PBX1: variants seen among roughly 807,000 people sequenced by gnomAD.
PBX1 encodes the protein pre-B-cell leukemia transcription factor 1.
A neutral mutation model predicts 53.4 loss-of-function variants in PBX1; 6 were observed. The observed-to-expected ratio is 0.11, with a 90% CI of 0.06 to 0.22. PBX1 has a LOEUF of 0.22. PBX1 is among the 10% of genes least tolerant of loss of function. The probability of loss-of-function intolerance (pLI) is 1.00; values close to 1 mark genes in which losing one functional copy is unlikely to be tolerated. For synonymous variants in PBX1, 204 were observed against 212.3 expected (o/e 0.96, Z 0.34); for missense variants, 251 against 551.4 (o/e 0.46, Z 5.46).
chr1:164,719,145 G>A (rs1664270036), intron 2 of PBX1, among the ~76,000 whole-genome samples: 1 of 152,316 alleles, frequency 6.6e-6, no homozygotes, highest in South Asian at 2.1e-4. Flanking sequence ...ACACAGAAAT[G>A]CCAGTCTGTG....
chr1:164,727,670 G>C (rs1664769305), intron 2 of PBX1, among the ~76,000 whole-genome samples: 1 of 152,218 alleles, frequency 6.6e-6, no homozygotes, highest in Non-Finnish European at 1.5e-5. Flanking sequence ...TTTGTCATGG[G>C]AAGTGGCGGC....
In PBX1 at chr1:164,567,783, G is replaced by A. The variant is rs1345146888; in HGVS notation, c.265+4472G>A. ...GCAATTTGGTCAAAGCTGCCAGAATGAGAATTTGGGAAATTTTGGTGTCAT... is the reference window on the plus strand; with the variant it reads ...GCAATTTGGTCAAAGCTGCCAGAATAAGAATTTGGGAAATTTTGGTGTCAT... On this transcript the variant is annotated intron_variant, in intron 2 of 8. Coordinates refer to ENST00000420696, the MANE Select transcript of PBX1 (RefSeq NM_002585.4). 2.6e-5 allele frequency among the ~76,000 whole-genome samples: 4 copies of A among 152,202 alleles called. No individual in the cohort carries two copies. The East Asian group carries it at 5.8e-4, about 22-fold the overall frequency.
At chr1:164,853,840 C>T (rs778092991), downstream of PBX1, among the ~76,000 whole-genome samples, 51 of 152,150 alleles carry the variant, frequency 3.4e-4, no homozygotes, top group Admixed American at 2.2e-3. Flanking sequence ...AAATCTCATA[C>T]GCTCACCCCT....
intron 4 of PBX1, among the ~76,000 whole-genome samples, chr1:164,802,338 G>C (rs1288006335): frequency 6.6e-6 from 1 of 152,168 alleles, no homozygotes; most frequent in Non-Finnish European, 1.5e-5. Context: ...ATAAGCTGAG[G>C]CTGTGATCTC....
chr1:164,611,421 G>A (rs1212304521), intron 2 of PBX1, among the ~76,000 whole-genome samples: 3 of 152,138 alleles, frequency 2.0e-5, no homozygotes, highest in Admixed American at 6.5e-5. Flanking sequence ...TGTATTTTTA[G>A]TAGAGACGGG....
At chr1:164,567,383 G>T (rs1557864345) in intron 2 of PBX1, among the ~76,000 whole-genome samples, 1 of 151,968 alleles carries the variant, frequency 6.6e-6, no homozygotes, top group Non-Finnish European at 1.5e-5. Context: ...GTCATCGATA[G>T]CCAGCAAATG....
intron 2 of PBX1, among the ~76,000 whole-genome samples, chr1:164,622,797 A>G (rs935676571): frequency 1.3e-5 from 2 of 150,116 alleles, no homozygotes; most frequent in African/African-American, 4.9e-5. Flanking sequence ...CATGCTTGCT[A>G]TACATACATA....
chr1:164,683,859 C>G lies in PBX1; in HGVS notation c.266-108635C>G, dbSNP rs990946667. 6 of 151,710 alleles carry G rather than the reference C, an allele frequency of 4.0e-5. No homozygotes were observed. The East Asian group carries it at 9.7e-4, about 25-fold the overall frequency. 9.4% of individuals were successfully genotyped at this position (151,710 alleles called of 1,614,324 possible). A position where few individuals can be genotyped will look rare whatever the true frequency, so the allele number is the denominator to read the frequency against. ...TTGAGACAGGATTTCACTCTTATCACCCAGGCTGGAGTGGAGTGGCGTGAT... is the reference window on the plus strand; with the variant it reads ...TTGAGACAGGATTTCACTCTTATCAGCCAGGCTGGAGTGGAGTGGCGTGAT... On this transcript the variant is annotated intron_variant, in intron 2 of 8. Transcript: ENST00000420696.
At chr1:164,701,030 G>A (rs115386026) in intron 2 of PBX1, among the ~76,000 whole-genome samples, 1,600 of 152,268 alleles carry the variant, frequency 0.011, 32 homozygotes, top group African/African-American at 0.037. Flanking sequence ...TACGCAAATA[G>A]CCAAGTATTA....
chr1:164,638,115 C>T (rs1298964821), intron 2 of PBX1, among the ~76,000 whole-genome samples: 1 of 152,204 alleles, frequency 6.6e-6, no homozygotes. Context: ...ACTCGTACTG[C>T]TGCTATGGCT....
intron 2 of PBX1, among the ~76,000 whole-genome samples, chr1:164,750,431 T>C (rs944654404): frequency 6.6e-6 from 1 of 152,096 alleles, no homozygotes; most frequent in Admixed American, 6.5e-5. Flanking sequence ...AATAAGAAAC[T>C]AGTTTCTTAG....
chr1:164,808,742 T>G (rs1669469212), intron 5 of PBX1, among the ~76,000 whole-genome samples: 1 of 152,168 alleles, frequency 6.6e-6, no homozygotes, highest in South Asian at 2.1e-4. Flanking sequence ...AATATAGAGC[T>G]CCACAAAAGT....
chr1:164,873,500 T>C (rs1246227039), intron 2 of PBX1, among the ~76,000 whole-genome samples: 1 of 152,262 alleles, frequency 6.6e-6, no homozygotes, highest in African/African-American at 2.4e-5. Context: ...CAGCTTATCT[T>C]ACTACATGCT....
At chr1:164,773,590 T>C (rs1217178534) in intron 2 of PBX1, among the ~76,000 whole-genome samples, 1 of 150,410 alleles carries the variant, frequency 6.6e-6, no homozygotes, top group Non-Finnish European at 1.5e-5. Context: ...TTTGGGGACA[T>C]GTGTCTTAAG....
At chr1:164,873,173 C>G (rs1183838510) in intron 2 of PBX1, among the ~76,000 whole-genome samples, 1 of 152,194 alleles carries the variant, frequency 6.6e-6, no homozygotes, top group Non-Finnish European at 1.5e-5. Flanking sequence ...CATAGCCACC[C>G]TACTATTTTT....
intron 2 of PBX1, among the ~76,000 whole-genome samples, chr1:164,689,893 C>G (rs978788606): frequency 6.6e-6 from 1 of 152,102 alleles, no homozygotes; most frequent in African/African-American, 2.4e-5. Flanking sequence ...CAGTTCCCCT[C>G]TCACTGGTGA....
intron 3 of PBX1, among the ~76,000 whole-genome samples, chr1:164,798,456 C>G (rs1668896999): frequency 6.6e-6 from 1 of 152,122 alleles, no homozygotes; most frequent in Non-Finnish European, 1.5e-5. Flanking sequence ...CTAAGGAAAC[C>G]AGATTATGGA....
At chr1:164,607,265 G>A (rs1003076190) in intron 2 of PBX1, among the ~76,000 whole-genome samples, 1 of 152,056 alleles carries the variant, frequency 6.6e-6, no homozygotes, top group Admixed American at 6.6e-5. Flanking sequence ...TTAAAGTGGG[G>A]GTGAGATTAG....
Position 164,834,489 on chromosome 1 carries a change from A to G in PBX1, c.1201-12095A>G, listed in dbSNP as rs569598343. Among the ~76,000 whole-genome samples the G allele has an allele frequency of 2.0e-5, 3 of 151,954 alleles. No homozygotes were observed. The South Asian group carries it at 6.2e-4, about 32-fold the overall frequency. ...CTCCCAAGTAGCTGGGATTACAGGC[A>G]TGCCCCACCACGCCTGGCTAATTTT... On this transcript the variant is annotated intron_variant, in intron 8 of 8. Transcript: ENST00000420696.
Sources: allele counts gnomAD v4.1 joint callset (sites outside exome capture counted in the v4.1 genomes callset), GRCh38; gene constraint gnomAD v4.1.1; transcripts MANE v1.5; gene names NCBI Gene and HGNC (gene_info 2026-07-23, HGNC 2026-07-21).